RASEF: variants seen among roughly 807,000 people sequenced by gnomAD.
RASEF encodes ras and EF-hand domain-containing protein.
In RASEF, 68 loss-of-function variants were observed where a neutral mutation model predicts 90.1. The observed-to-expected ratio is 0.75, with a 90% CI of 0.62 to 0.92. The LOEUF is 0.92. Ranked by LOEUF, RASEF falls within the 40% of genes least tolerant of loss-of-function variation. The probability of loss-of-function intolerance (pLI) is 0.00; values close to 1 mark genes in which losing one functional copy is unlikely to be tolerated. For missense variants in RASEF, 949 were observed against 937.2 expected (o/e 1.01, Z -0.16); for synonymous variants, 331 against 345.2 (o/e 0.96, Z 0.46).
the RASEF span, among the ~76,000 whole-genome samples, chr9:83,163,994 AG>A: frequency 1.5e-5 from 2 of 130,130 alleles, no homozygotes; most frequent in Non-Finnish European, 3.4e-5. Context: ...CTTACTTGAG[AG>A]GAAAAAAAAA....
At chr9:83,185,299 A>G in the RASEF span, among the ~76,000 whole-genome samples, 1 of 152,044 alleles carries the variant, frequency 6.6e-6, no homozygotes, top group African/African-American at 2.4e-5. Context: ...TATACATGTC[A>G]GAGGTGGACC....
At chr9:83,053,924 T>G (rs1473296684) in intron 1 of RASEF, among the ~76,000 whole-genome samples, 3 of 56,600 alleles carry the variant, frequency 5.3e-5, no homozygotes, top group African/African-American at 2.8e-4. Flanking sequence ...GCTGTTAGTC[T>G]GATGGGCTTC....
the RASEF span, among the ~76,000 whole-genome samples, chr9:83,104,333 T>A: frequency 6.6e-6 from 1 of 152,270 alleles, no homozygotes; most frequent in African/African-American, 2.4e-5. Flanking sequence ...CCATGAACCA[T>A]AATTGTAAGT....
intron 9 of RASEF, among the ~76,000 whole-genome samples, chr9:83,003,208 C>G (rs1829069337): frequency 6.6e-6 from 1 of 151,884 alleles, no homozygotes; most frequent in African/African-American, 2.4e-5. Context: ...CTTCTTATGT[C>G]AAAATAATCA....
the RASEF span, among the ~76,000 whole-genome samples, chr9:83,217,620 T>C: frequency 6.6e-6 from 1 of 152,184 alleles, no homozygotes; most frequent in Non-Finnish European, 1.5e-5. Flanking sequence ...ATGTAAGACA[T>C]GCCTTTGCTC....
intron 15 of RASEF, among the ~76,000 whole-genome samples, chr9:82,991,720 G>A (rs1333624524): frequency 6.6e-6 from 1 of 152,240 alleles, no homozygotes; most frequent in Non-Finnish European, 1.5e-5. Context: ...AACAGAGACT[G>A]CCTTTGAGGA....
At chr9:83,189,498 T>A in the RASEF span, among the ~76,000 whole-genome samples, 1 of 152,162 alleles carries the variant, frequency 6.6e-6, no homozygotes, top group Non-Finnish European at 1.5e-5. Flanking sequence ...ATTTTAGAGA[T>A]CTCTCATAAT....
the RASEF span, among the ~76,000 whole-genome samples, chr9:83,175,469 G>C: frequency 6.6e-6 from 1 of 152,030 alleles, no homozygotes; most frequent in African/African-American, 2.4e-5. Context: ...AGTAGTAGTA[G>C]TGTATAATCC....
chr9:83,216,147 A>C, the RASEF span, among the ~76,000 whole-genome samples: 1 of 152,324 alleles, frequency 6.6e-6, no homozygotes, highest in African/African-American at 2.4e-5. Flanking sequence ...GCAGCCTGAC[A>C]ATGTGATGGA....
intron 6 of RASEF, 117 bp from the exon 7 acceptor site, chr9:83,007,622 T>C: frequency 1.3e-6 from 1 of 750,484 alleles, no homozygotes; most frequent in Non-Finnish European, 2.3e-6. Context: ...TTGGCCACAG[T>C]TTTCTATCTT....
chr9:83,045,139 G>GTA (rs1017563549), intron 1 of RASEF, among the ~76,000 whole-genome samples: 3 of 152,014 alleles, frequency 2.0e-5, no homozygotes, highest in Admixed American at 6.6e-5. Context: ...TGTACATATG[G>GTA]TATATATATA....
chr9:83,093,838 G>A, the RASEF span, among the ~76,000 whole-genome samples: 2 of 152,256 alleles, frequency 1.3e-5, no homozygotes, highest in Non-Finnish European at 2.9e-5. Flanking sequence ...CGAGCGAGGG[G>A]TGTGAGGACT....
At chr9:83,064,978 G>T (rs914701095), upstream of RASEF, among the ~76,000 whole-genome samples, 2 of 152,176 alleles carry the variant, frequency 1.3e-5, no homozygotes, top group African/African-American at 4.8e-5. Context: ...TGAGGCAGGA[G>T]AATCACTCGA....
the RASEF span, among the ~76,000 whole-genome samples, chr9:83,216,686 C>T: frequency 6.6e-6 from 1 of 152,166 alleles, no homozygotes; most frequent in Non-Finnish European, 1.5e-5. Context: ...ACACAGAGTC[C>T]CCACTGGGGC....
At chr9:83,082,567 A>G in the RASEF span, among the ~76,000 whole-genome samples, 1 of 152,162 alleles carries the variant, frequency 6.6e-6, no homozygotes, top group East Asian at 1.9e-4. Flanking sequence ...TACAACAACA[A>G]TTTTTTATCC....
the RASEF span, among the ~76,000 whole-genome samples, chr9:83,115,985 G>T: frequency 6.6e-6 from 1 of 152,022 alleles, no homozygotes; most frequent in Non-Finnish European, 1.5e-5. Flanking sequence ...AATAGAAAAA[G>T]TATACCATGC....
the RASEF span, among the ~76,000 whole-genome samples, chr9:83,097,841 T>G: frequency 6.6e-6 from 1 of 152,188 alleles, no homozygotes; most frequent in African/African-American, 2.4e-5. Context: ...TCATCATCAT[T>G]GTCATCGTCG....
At chr9:83,191,247 A>C in the RASEF span, among the ~76,000 whole-genome samples, 1 of 152,216 alleles carries the variant, frequency 6.6e-6, no homozygotes, top group African/African-American at 2.4e-5. Context: ...CAGATTTCAA[A>C]CTTTCAATCA....
chr9:83,118,251 C>A, the RASEF span, among the ~76,000 whole-genome samples: 2 of 151,618 alleles, frequency 1.3e-5, no homozygotes. Flanking sequence ...AATGGAGAGT[C>A]CTTGAAGGCT....
Sources: allele counts gnomAD v4.1 joint callset (sites outside exome capture counted in the v4.1 genomes callset), GRCh38; gene constraint gnomAD v4.1.1; transcripts MANE v1.5; gene names NCBI Gene and HGNC (gene_info 2026-07-23, HGNC 2026-07-21).